Variants in LGR6 observed in about 807,000 individuals in gnomAD.
The protein encoded by LGR6 is leucine-rich repeat-containing G protein-coupled receptor 6.
Under a neutral mutation model 69.4 loss-of-function variants are expected in LGR6, and 45 were observed. That is an observed-to-expected ratio of 0.65 (90% CI 0.51 to 0.83). The LOEUF (loss-of-function observed/expected upper bound fraction) is 0.83. LGR6 is among the 40% of genes least tolerant of loss of function. The pLI, the probability that LGR6 is intolerant of heterozygous loss-of-function variation, is 0.00. For synonymous variants in LGR6, 538 were observed against 555.0 expected (o/e 0.97, Z 0.43); for missense variants, 1,108 against 1,246.7 (o/e 0.89, Z 1.68).
intron 16 of LGR6, among the ~76,000 whole-genome samples, chr1:202,313,684 GA>G (rs1174811698): frequency 6.6e-6 from 1 of 152,166 alleles, no homozygotes; most frequent in Non-Finnish European, 1.5e-5. Flanking sequence ...ATTGTTCAGT[GA>G]ATCTATTAGC....
intron 1 of LGR6, among the ~76,000 whole-genome samples, chr1:202,204,040 T>A (rs1658930994): frequency 6.6e-6 from 1 of 152,098 alleles, no homozygotes; most frequent in East Asian, 1.9e-4. Flanking sequence ...GATGCTCTAC[T>A]TCATCAGATT....
chr1:202,286,372 T>A (rs962263360), intron 6 of LGR6, among the ~76,000 whole-genome samples: 1 of 152,164 alleles, frequency 6.6e-6, no homozygotes, highest in Non-Finnish European at 1.5e-5. Flanking sequence ...TTCCCTGCAG[T>A]TAAGAGAATT....
chr1:202,210,565 T>C (rs1659426103), intron 1 of LGR6: 2 of 152,140 alleles, frequency 1.3e-5, no homozygotes, highest in South Asian at 2.1e-4. Context: ...AGGTGTGGCT[T>C]CCAACCCAGA....
At chr1:202,249,788 G>A (rs540909362) in intron 4 of LGR6, among the ~76,000 whole-genome samples, 1 of 152,198 alleles carries the variant, frequency 6.6e-6, no homozygotes, top group Admixed American at 6.5e-5. Flanking sequence ...GGCCACCATT[G>A]TCTGCCCGCC....
intron 1 of LGR6, among the ~76,000 whole-genome samples, chr1:202,217,127 G>A (rs1006237774): frequency 9.2e-5 from 14 of 152,182 alleles, no homozygotes; most frequent in Admixed American, 6.5e-4. Context: ...GGTGGGGACC[G>A]GCCCCAGAAC....
intron 4 of LGR6, among the ~76,000 whole-genome samples, chr1:202,261,391 T>C: frequency 6.6e-6 from 1 of 152,140 alleles, no homozygotes; most frequent in East Asian, 1.9e-4. Flanking sequence ...ATTTCATCCA[T>C]GTCCCTACAA....
At chr1:202,285,049 C>A (rs1316520234) in intron 6 of LGR6, among the ~76,000 whole-genome samples, 1 of 152,174 alleles carries the variant, frequency 6.6e-6, no homozygotes, top group Non-Finnish European at 1.5e-5. Flanking sequence ...TCAACAGGGG[C>A]CTGGGACAGG....
intron 1 of LGR6, among the ~76,000 whole-genome samples, chr1:202,199,890 T>C (rs1658779794): frequency 6.6e-6 from 1 of 152,252 alleles, no homozygotes; most frequent in Non-Finnish European, 1.5e-5. Context: ...GGGTTTTTTA[T>C]GCTATAAGGG....
chr1:202,289,527 C>G (rs1260276786), intron 6 of LGR6, among the ~76,000 whole-genome samples: 1 of 152,170 alleles, frequency 6.6e-6, no homozygotes, highest in East Asian at 1.9e-4. Context: ...AATTTTCTCT[C>G]TGGCAAGAAA....
At chr1:202,286,468 G>A (rs1378585034) in intron 6 of LGR6, among the ~76,000 whole-genome samples, 1 of 152,186 alleles carries the variant, frequency 6.6e-6, no homozygotes, top group African/African-American at 2.4e-5. Context: ...GGCAGGAATT[G>A]TGTATCCTCA....
chr1:202,278,646 A>G (rs904338093), intron 5 of LGR6, among the ~76,000 whole-genome samples: 2 of 152,170 alleles, frequency 1.3e-5, no homozygotes, highest in Non-Finnish European at 2.9e-5. Context: ...AATGCTGTCC[A>G]GGGACTACAG....
intron 9 of LGR6, among the ~76,000 whole-genome samples, chr1:202,301,511 G>A (rs1667593172): frequency 6.6e-6 from 1 of 152,178 alleles, no homozygotes. Flanking sequence ...CTTTCATCTG[G>A]CCTCTTGGGT....
intron 17 of LGR6, among the ~76,000 whole-genome samples, chr1:202,317,126 C>G (rs977971799): frequency 3.4e-4 from 51 of 152,178 alleles, no homozygotes; most frequent in African/African-American, 1.2e-3. Flanking sequence ...TGGGGACTGA[C>G]TGAGAGAAAC....
At position 202,276,300 on chromosome 1, in the gene LGR6, C is replaced by T. The variant is rs772365205; in HGVS notation, c.429-6C>T. 6.2e-7 allele frequency: 1 copy of T among 1,612,042 alleles called. No homozygotes were observed. Among genetic ancestry groups the T allele is most frequent in the South Asian group, 1.1e-5 (1 of 90,842 alleles). ...ATTGACCCCTCTCCATCCTCTCTTC[C>T]ACCAGGCGCCTAGATGCCAACCTCA... On this transcript the variant is annotated splice_polypyrimidine_tract_variant and splice_region_variant and intron_variant, in intron 4 of 17. Transcript: ENST00000367278.
At chr1:202,261,986 C>T (rs2148108722) in intron 4 of LGR6, among the ~76,000 whole-genome samples, 1 of 152,080 alleles carries the variant, frequency 6.6e-6, no homozygotes, top group Admixed American at 6.5e-5. Context: ...GGATATTAGC[C>T]CTTTGTCAGG....
chr1:202,274,615 A>G (rs1442977460), intron 4 of LGR6, among the ~76,000 whole-genome samples: 2 of 152,192 alleles, frequency 1.3e-5, no homozygotes, highest in African/African-American at 4.8e-5. Flanking sequence ...GTTAAAATCC[A>G]GGTTCTGATT....
At chr1:202,274,379 G>C (rs1017374911) in intron 4 of LGR6, among the ~76,000 whole-genome samples, 1 of 152,198 alleles carries the variant, frequency 6.6e-6, no homozygotes, top group Non-Finnish European at 1.5e-5. Context: ...TTGAGGTAGA[G>C]CCCTCATCTC....
In LGR6 at chr1:202,194,174, G is replaced by C. The variant is rs1221681662; in HGVS notation, c.185G>C (p.Gly62Ala). 13 of 1,567,148 alleles carry C rather than the reference G, an allele frequency of 8.3e-6. No individual in the cohort carries two copies. Among genetic ancestry groups the C allele is most frequent in the Middle Eastern group, 4.6e-4 (2 of 4,352 alleles). The change falls in exon 1 of 18, where the codon GGG (glycine) becomes GCG (alanine). Residue 62 changes from glycine to alanine, a missense_variant. Transcript: ENST00000367278. ...CSELGLSAVP[G>A]DLDPLTAYLD... ...GAGCTCGGGCTGTCCGCCGTTCCGG[G>C]GGACCTGGACCCCCTGACGGCTTAC... is the stretch of plus-strand genomic sequence containing the variant.
At chr1:202,237,843 T>C (rs1033418951) in intron 4 of LGR6, among the ~76,000 whole-genome samples, 2 of 152,176 alleles carry the variant, frequency 1.3e-5, no homozygotes, top group African/African-American at 4.8e-5. Context: ...TGGCTTCAAG[T>C]CCTGGCTCTG....
Sources: allele counts gnomAD v4.1 joint callset (sites outside exome capture counted in the v4.1 genomes callset), GRCh38; gene constraint gnomAD v4.1.1; transcripts MANE v1.5; gene names NCBI Gene and HGNC (gene_info 2026-07-23, HGNC 2026-07-21).